Variants in CHSY3 observed in about 807,000 individuals in gnomAD.
The protein encoded by CHSY3 is N-acetylgalactosaminyl-proteoglycan 3-beta-glucuronosyltransferase 3.
CHSY3 carries 35 observed loss-of-function variants against 67.2 expected under a neutral mutation model. That is an observed-to-expected ratio of 0.52 (90% CI 0.40 to 0.69). CHSY3 has a LOEUF of 0.69. Ranked by LOEUF, CHSY3 falls within the 30% of genes least tolerant of loss-of-function variation. CHSY3 has a pLI of 0.00. For missense variants in CHSY3, 1,069 were observed against 1,138.5 expected (o/e 0.94, Z 0.88); for synonymous variants, 474 against 434.7 (o/e 1.09, Z -1.12).
At chr5:130,116,172 A>G (rs905211287) in intron 2 of CHSY3, among the ~76,000 whole-genome samples, 1 of 152,170 alleles carries the variant, frequency 6.6e-6, no homozygotes, top group African/African-American at 2.4e-5. Context: ...TGACCCAAAT[A>G]GCAACAACAA....
At chr5:130,094,832 T>G (rs1766993399) in intron 2 of CHSY3, among the ~76,000 whole-genome samples, 1 of 152,092 alleles carries the variant, frequency 6.6e-6, no homozygotes. Flanking sequence ...ATGTTTAGAC[T>G]GGATACTATA....
intron 2 of CHSY3, among the ~76,000 whole-genome samples, chr5:130,167,354 A>G (rs1769777569): frequency 6.6e-6 from 1 of 152,202 alleles, no homozygotes; most frequent in African/African-American, 2.4e-5. Flanking sequence ...GTCTTTGTTG[A>G]TGATTACATT....
At chr5:130,031,639 A>ATATCT (rs1307133647) in intron 2 of CHSY3, among the ~76,000 whole-genome samples, 1 of 152,156 alleles carries the variant, frequency 6.6e-6, no homozygotes, top group East Asian at 1.9e-4. Flanking sequence ...TCTTGCATAA[A>ATATCT]CTGTGAATAC....
rs567621979 is a variant in CHSY3 at position 130,030,407 on chromosome 5, T to G, written c.1086+122047T>G. On this transcript the variant is annotated intron_variant, in intron 2 of 2. Transcript: ENST00000305031. ...AAAAAACTGTATATGCTAAAAAAAT[T>G]GTTTATCAGGAAGTCAAGTAAACTT... is the stretch of plus-strand genomic sequence containing the variant. Among the ~76,000 whole-genome samples, 3 of 152,286 alleles carry G rather than the reference T, an allele frequency of 2.0e-5. No homozygotes were observed. In the South Asian group the frequency reaches 6.2e-4, roughly 32 times the overall value.
At chr5:129,983,029 A>T (rs925669962) in intron 2 of CHSY3, among the ~76,000 whole-genome samples, 1 of 152,128 alleles carries the variant, frequency 6.6e-6, no homozygotes, top group Admixed American at 6.5e-5. Flanking sequence ...AATTAAGCTA[A>T]CCAGTTTGTA....
Position 130,184,650 on chromosome 5 carries a change from T to A in CHSY3, c.1508T>A (p.Met503Lys). The change falls in exon 3 of 3, where the codon ATG becomes AAG. Residue 503 changes from methionine (M) to lysine (K), a missense_variant. Around this residue, in one of 5 missense-constraint regions of CHSY3, gnomAD observed 401 missense variants for 395.2 expected, o/e 1.01. Transcript: ENST00000305031. Reference protein sequence around the residue: ...TALDDTVLQVMEMINENAKSR... With the variant: ...TALDDTVLQVKEMINENAKSR... ...CTGGATGATACCGTCCTACAGGTGA[T>A]GGAGATGATCAATGAGAATGCCAAG... 1 of 1,604,092 alleles carries A rather than the reference T, an allele frequency of 6.2e-7. No individual in the cohort carries two copies. Among genetic ancestry groups the A allele is most frequent in the South Asian group, 1.1e-5 (1 of 90,874 alleles).
At chr5:130,009,315 G>C (rs1763977356) in intron 2 of CHSY3, among the ~76,000 whole-genome samples, 1 of 152,028 alleles carries the variant, frequency 6.6e-6, no homozygotes, top group Non-Finnish European at 1.5e-5. Context: ...CCTATATTCA[G>C]CATCGCTAAA....
At chr5:130,032,236 C>A (rs1764723688) in intron 2 of CHSY3, among the ~76,000 whole-genome samples, 1 of 152,090 alleles carries the variant, frequency 6.6e-6, no homozygotes, top group Admixed American at 6.6e-5. Context: ...TTTCCCGTCA[C>A]ATATTATAGA....
intron 2 of CHSY3, among the ~76,000 whole-genome samples, chr5:129,977,271 A>G (rs1762840759): frequency 1.3e-5 from 2 of 152,164 alleles, no homozygotes; most frequent in African/African-American, 2.4e-5. Context: ...GAATCCAAAG[A>G]TAGGTATTTC....
At chr5:129,919,992 TACAG>T (rs1760865705) in intron 2 of CHSY3, among the ~76,000 whole-genome samples, 2 of 152,146 alleles carry the variant, frequency 1.3e-5, no homozygotes, top group Non-Finnish European at 2.9e-5. Context: ...TGTTGAAATG[TACAG>T]TATTCAATTA....
intron 2 of CHSY3, among the ~76,000 whole-genome samples, chr5:129,930,222 A>C (rs1328436624): frequency 6.6e-6 from 1 of 151,622 alleles, no homozygotes; most frequent in East Asian, 1.9e-4. Flanking sequence ...AATCCCAGCT[A>C]CTCAGGAGGT....
chr5:130,160,906 T>A (rs1356432106), intron 2 of CHSY3, among the ~76,000 whole-genome samples: 31 of 140,970 alleles, frequency 2.2e-4, no homozygotes, highest in Middle Eastern at 3.6e-3. Flanking sequence ...TTTTTTTTTT[T>A]TTATTTTTTT....
At chr5:130,133,699 G>A (rs1342976267) in intron 2 of CHSY3, among the ~76,000 whole-genome samples, 1 of 148,534 alleles carries the variant, frequency 6.7e-6, no homozygotes, top group Non-Finnish European at 1.5e-5. Context: ...TTGAACCCAG[G>A]AGGCGGAGGT....
chr5:129,948,237 G>A (rs1580566951), intron 2 of CHSY3, among the ~76,000 whole-genome samples: 1 of 152,242 alleles, frequency 6.6e-6, no homozygotes, highest in East Asian at 1.9e-4. Context: ...TTAGTTACAT[G>A]AATAATTTAT....
At chr5:130,120,568 C>T (rs557000313) in intron 2 of CHSY3, among the ~76,000 whole-genome samples, 37 of 151,704 alleles carry the variant, frequency 2.4e-4, no homozygotes, top group Non-Finnish European at 3.4e-4. Flanking sequence ...GACCCTGACC[C>T]AAACTACCTG....
rs559385393 is a variant in CHSY3, at chr5:130,023,533, A to G, written c.1086+115173A>G. ...GTTTGAAGGGTGAGTTTCATCAGCT[A>G]TTTAAAACTAATGTGTTTAAAGTAC... On this transcript the variant is annotated intron_variant, in intron 2 of 2. Coordinates refer to ENST00000305031, the MANE Select transcript of CHSY3 (RefSeq NM_175856.5). Among the ~76,000 whole-genome samples the G allele has an allele frequency of 8.5e-5, 13 of 152,208 alleles. 1 individual carries two copies. In the East Asian group the frequency reaches 2.3e-3, roughly 27 times the overall value.
chr5:130,088,926 T>C (rs1766770773), intron 2 of CHSY3, among the ~76,000 whole-genome samples: 1 of 152,206 alleles, frequency 6.6e-6, no homozygotes, highest in African/African-American at 2.4e-5. Flanking sequence ...CGCACACGTA[T>C]GTTTATTGCG....
In CHSY3 at chr5:130,057,145, C is replaced by T. The variant is rs527896277; in HGVS notation, c.1087-127084C>T. ...TTCACCATGTTAGCCAGGATGGTCT[C>T]GATCTCCTGACCTTGTGATCCACCC... On this transcript the variant is annotated intron_variant, in intron 2 of 2. Coordinates refer to ENST00000305031, the MANE Select transcript of CHSY3 (RefSeq NM_175856.5). Among the ~76,000 whole-genome samples the T allele has an allele frequency of 4.0e-5, 6 of 151,584 alleles. No homozygotes were observed. The South Asian group carries it at 1.0e-3, about 26-fold the overall frequency.
intron 2 of CHSY3, chr5:130,141,664 AT>A (rs1460619218): frequency 5.7e-6 from 3 of 528,588 alleles, no homozygotes; most frequent in Middle Eastern, 6.4e-4. Context: ...TGCATTCGAT[AT>A]GAAAGCAGCT....
Sources: gnomAD v4.1 joint callset for allele counts (sites outside exome capture counted in the v4.1 genomes callset) on GRCh38, gnomAD v4.1.1 for gene constraint, gnomAD v4.1.1 regional missense constraint, MANE v1.5 for transcripts, NCBI Gene and HGNC (gene_info 2026-07-23, HGNC 2026-07-21) for gene names.